EIF3H: variants seen among roughly 807,000 people sequenced by gnomAD.
EIF3H encodes eukaryotic translation initiation factor 3 subunit H.
A neutral mutation model predicts 44.2 loss-of-function variants in EIF3H; 26 were observed. That is an observed-to-expected ratio of 0.59 (90% CI 0.43 to 0.82). EIF3H has a LOEUF of 0.82. EIF3H is among the 40% of genes least tolerant of loss of function. The pLI, the probability that EIF3H is intolerant of heterozygous loss-of-function variation, is 0.00. For synonymous variants in EIF3H, 166 were observed against 151.9 expected, an observed-to-expected ratio of 1.09 and a Z score of -0.68; for missense variants, 359 against 432.8, an observed-to-expected ratio of 0.83 and a Z score of 1.51.
chr8:116,755,881 G>C (rs549799463), upstream of EIF3H: 73 of 1,580,758 alleles, frequency 4.6e-5, no homozygotes, highest in Non-Finnish European at 5.8e-5. Context: ...TCGCAGGCCG[G>C]CGTTCGAGGG....
intron 2 of EIF3H, among the ~76,000 whole-genome samples, chr8:116,695,862 G>A (rs955404096): frequency 6.6e-6 from 1 of 152,192 alleles, no homozygotes; most frequent in Non-Finnish European, 1.5e-5. Context: ...ATATGAACAA[G>A]TGTTTCACTA....
intron 2 of EIF3H, among the ~76,000 whole-genome samples, chr8:116,701,667 T>C (rs1478691550): frequency 1.3e-5 from 2 of 152,208 alleles, no homozygotes; most frequent in Non-Finnish European, 2.9e-5. Flanking sequence ...TGGGGATTAT[T>C]CTTCCCTACA....
At chr8:116,676,381 A>G (rs1813848368) in intron 2 of EIF3H, among the ~76,000 whole-genome samples, 2 of 152,206 alleles carry the variant, frequency 1.3e-5, no homozygotes, top group South Asian at 4.1e-4. Context: ...CAGGAAACTT[A>G]CAATCATGGA....
At chr8:116,684,901 T>C (rs1814048182) in intron 2 of EIF3H, among the ~76,000 whole-genome samples, 2 of 152,344 alleles carry the variant, frequency 1.3e-5, no homozygotes, top group South Asian at 4.1e-4. Context: ...AAATGCTTTT[T>C]TGGAAGGAGT....
intron 2 of EIF3H, among the ~76,000 whole-genome samples, chr8:116,698,792 A>G (rs1278407190): frequency 6.6e-6 from 1 of 152,116 alleles, no homozygotes; most frequent in Non-Finnish European, 1.5e-5. Context: ...TTTTCTACTG[A>G]GACATAAATC....
At chr8:116,747,546 C>T (rs1333252408) in intron 1 of EIF3H, among the ~76,000 whole-genome samples, 1 of 152,190 alleles carries the variant, frequency 6.6e-6, no homozygotes, top group African/African-American at 2.4e-5. Flanking sequence ...AATTATCTCA[C>T]ATGTCAAACA....
chr8:116,738,206 G>A (rs1041921955), intron 1 of EIF3H, among the ~76,000 whole-genome samples: 12 of 152,132 alleles, frequency 7.9e-5, no homozygotes, highest in African/African-American at 2.9e-4. Context: ...GCTATGTGGA[G>A]TTTCACAAAA....
intron 1 of EIF3H, among the ~76,000 whole-genome samples, chr8:116,753,197 CA>C (rs1815387707): frequency 6.6e-6 from 1 of 151,912 alleles, no homozygotes; most frequent in African/African-American, 2.4e-5. Context: ...GGCAGATGTC[CA>C]AAAAGGGGGA....
chr8:116,665,890 A>G (rs1813656898), intron 2 of EIF3H, among the ~76,000 whole-genome samples: 1 of 152,262 alleles, frequency 6.6e-6, no homozygotes, highest in Admixed American at 6.5e-5. Flanking sequence ...GCATTTGAAA[A>G]AAGAATTAAA....
In EIF3H at chr8:116,764,957, C is replaced by T. The variant is rs566832621; in HGVS notation, c.-27+558G>A. On this transcript the variant is annotated intron_variant, in intron 1 of 9. Coordinates refer to the EIF3H transcript ENST00000276682. ...TGCTGTAGCTTGGTAAATTAAAAAA[C>T]GACAACAAAAACTAAGATAAGACTA... is the stretch of plus-strand genomic sequence containing the variant. Among the ~76,000 whole-genome samples the T allele has an allele frequency of 2.6e-5, 4 of 152,276 alleles. No homozygotes were observed. In the South Asian group the frequency reaches 8.3e-4, roughly 32 times the overall value.
At chr8:116,672,781 C>T (rs1344122730) in intron 2 of EIF3H, among the ~76,000 whole-genome samples, 2 of 151,988 alleles carry the variant, frequency 1.3e-5, no homozygotes, top group East Asian at 1.9e-4. Flanking sequence ...GACAGAAAAT[C>T]GGCCTCAAGA....
intron 2 of EIF3H, among the ~76,000 whole-genome samples, chr8:116,714,510 A>C (rs1440483764): frequency 6.6e-6 from 1 of 152,106 alleles, no homozygotes; most frequent in Non-Finnish European, 1.5e-5. Flanking sequence ...TTTGCTGGCT[A>C]AATGCTGAAG....
rs114834841 is a variant in EIF3H, at chr8:116,652,384, T to C, written c.708-3458A>G. 7.4e-3 allele frequency among the ~76,000 whole-genome samples: 1,130 copies of C among 152,258 alleles called. 13 individuals carry two copies. Among genetic ancestry groups the C allele is most frequent in the African/African-American group, 0.025 (1,049 of 41,536 alleles). ...TGACATCAAAATTCTATCGAGAAGT[T>C]TGATTATGAAACAAATAGAAAAATT... On this transcript the variant is annotated intron_variant, in intron 5 of 7. Coordinates refer to ENST00000521861, the MANE Select transcript of EIF3H (RefSeq NM_003756.3).
intron 2 of EIF3H, among the ~76,000 whole-genome samples, chr8:116,708,597 T>A (rs1323243225): frequency 6.6e-6 from 1 of 152,120 alleles, no homozygotes; most frequent in African/African-American, 2.4e-5. Context: ...CAAATTAAAT[T>A]CTGTGATTAG....
At chr8:116,669,456 A>C (rs556222476) in intron 2 of EIF3H, among the ~76,000 whole-genome samples, 12 of 152,296 alleles carry the variant, frequency 7.9e-5, no homozygotes, top group African/African-American at 2.6e-4. Context: ...GGGAAAGAGG[A>C]GTGAGCAGTA....
At chr8:116,743,846 A>G (rs1682413152) in intron 1 of EIF3H, among the ~76,000 whole-genome samples, 1 of 148,178 alleles carries the variant, frequency 6.7e-6, no homozygotes, top group Non-Finnish European at 1.5e-5. Flanking sequence ...ACATATATAA[A>G]TAAGTTGGGA....
chr8:116,662,423 G>A (rs938144580), intron 2 of EIF3H, among the ~76,000 whole-genome samples: 4 of 152,106 alleles, frequency 2.6e-5, no homozygotes, highest in Non-Finnish European at 5.9e-5. Context: ...CCTATGAAGC[G>A]CCAACAAATG....
intron 4 of EIF3H, among the ~76,000 whole-genome samples, chr8:116,656,480 A>G (rs1420723563): frequency 6.6e-6 from 1 of 152,160 alleles, no homozygotes; most frequent in Admixed American, 6.6e-5. Context: ...CATGCCAAGA[A>G]CACAGTTTCT....
At chr8:116,709,970 T>C (rs967481787) in intron 2 of EIF3H, among the ~76,000 whole-genome samples, 7 of 152,228 alleles carry the variant, frequency 4.6e-5, no homozygotes, top group African/African-American at 1.7e-4. Flanking sequence ...TACAAAGAGC[T>C]AGTTGGACTG....
Sources: gnomAD v4.1 joint callset for allele counts (sites outside exome capture counted in the v4.1 genomes callset) on GRCh38, gnomAD v4.1.1 for gene constraint, MANE v1.5 for transcripts, NCBI Gene and HGNC (gene_info 2026-07-23, HGNC 2026-07-21) for gene names.